Variants in TRHDE observed in about 807,000 individuals in gnomAD.
TRHDE encodes thyrotropin releasing hormone degrading enzyme, also known as thyrotropin-releasing hormone-degrading ectoenzyme.
A neutral mutation model predicts 125.7 loss-of-function variants in TRHDE; 72 were observed. The observed-to-expected ratio is 0.57, with a 90% CI of 0.47 to 0.70. TRHDE has a LOEUF of 0.70. Ranked by LOEUF, TRHDE falls within the 30% of genes least tolerant of loss-of-function variation. TRHDE has a pLI of 0.00. For missense variants in TRHDE, 1,110 were observed against 1,327.1 expected (o/e 0.84, Z 2.54); for synonymous variants, 509 against 509.1 (o/e 1.00, Z 0.00).
At chr12:72,330,287 AC>A (rs1311085799) in intron 2 of TRHDE, among the ~76,000 whole-genome samples, 7 of 148,614 alleles carry the variant, frequency 4.7e-5, no homozygotes, top group African/African-American at 1.5e-4. Context: ...CCACCTCCCT[AC>A]CCCCCACCTC....
intron 2 of TRHDE, among the ~76,000 whole-genome samples, chr12:72,318,412 T>A (rs1338532668): frequency 2.0e-5 from 3 of 152,216 alleles, no homozygotes; most frequent in Non-Finnish European, 2.9e-5. Flanking sequence ...GAGAAGGTGA[T>A]GTGCGATATT....
intron 2 of TRHDE, among the ~76,000 whole-genome samples, chr12:72,175,184 T>C (rs1876960964): frequency 6.6e-6 from 1 of 152,224 alleles, no homozygotes; most frequent in Non-Finnish European, 1.5e-5. Flanking sequence ...GCAACTACCA[T>C]TCAATTCTTT....
chr12:72,269,658 C>A (rs114604822), upstream of TRHDE, among the ~76,000 whole-genome samples: 2,638 of 152,164 alleles, frequency 0.017, 70 homozygotes, highest in African/African-American at 0.06. Context: ...AAACACACAG[C>A]AAGACAGAAG....
At chr12:72,310,542 G>GCTT (rs774396233) in intron 2 of TRHDE, among the ~76,000 whole-genome samples, 258 of 152,274 alleles carry the variant, frequency 1.7e-3, no homozygotes, top group Non-Finnish European at 2.4e-3. Flanking sequence ...AAAGCAATAA[G>GCTT]TGTGAAAATG....
At chr12:72,353,591 C>T (rs1296550351) in intron 2 of TRHDE, among the ~76,000 whole-genome samples, 1 of 151,372 alleles carries the variant, frequency 6.6e-6, no homozygotes, top group African/African-American at 2.4e-5. Context: ...GGGATCCAAA[C>T]AAAACTGCTC....
chr12:72,292,326 C>A (rs1189686153), intron 2 of TRHDE, among the ~76,000 whole-genome samples: 1 of 152,194 alleles, frequency 6.6e-6, no homozygotes, highest in African/African-American at 2.4e-5. Context: ...CTATGAGAAT[C>A]ATCTGTTATC....
intron 15 of TRHDE, among the ~76,000 whole-genome samples, chr12:72,646,785 A>G (rs1874298538): frequency 6.6e-6 from 1 of 152,094 alleles, no homozygotes; most frequent in Admixed American, 6.6e-5. Flanking sequence ...AGAAAGATAT[A>G]ACAAATTATA....
chr12:72,138,364 T>G (rs908475454), intron 2 of TRHDE, among the ~76,000 whole-genome samples: 5 of 151,898 alleles, frequency 3.3e-5, no homozygotes, highest in African/African-American at 1.2e-4. Flanking sequence ...ACAGCAAGAC[T>G]CCGTTTCAAA....
intron 2 of TRHDE, among the ~76,000 whole-genome samples, chr12:72,204,669 C>T (rs1212031300): frequency 6.6e-6 from 1 of 152,172 alleles, no homozygotes; most frequent in Non-Finnish European, 1.5e-5. Flanking sequence ...TTCTCAGTAT[C>T]ATTGTCAAAT....
chr12:72,310,873 A>AT (rs562413958), intron 2 of TRHDE, among the ~76,000 whole-genome samples: 3 of 151,932 alleles, frequency 2.0e-5, no homozygotes, highest in Non-Finnish European at 2.9e-5. Context: ...GAATGTCACA[A>AT]TTTTTTTTAA....
In TRHDE at chr12:72,362,778, A is replaced by G. The variant is rs531321309; in HGVS notation, c.1189-15217A>G. ...AAGAGATCCAGTTTCAGCTTTCTAC[A>G]TATGGCTAGCCAGTTTTCCCAGCAC... On this transcript the variant is annotated intron_variant, in intron 2 of 18. Transcript: ENST00000261180. Among the ~76,000 whole-genome samples the G allele has an allele frequency of 1.4e-4, 22 of 152,242 alleles. 1 individual carries two copies. Among genetic ancestry groups the G allele is most frequent in the African/African-American group, 5.1e-4 (21 of 41,534 alleles).
chr12:72,152,947 A>G (rs527473696), intron 2 of TRHDE, among the ~76,000 whole-genome samples: 1 of 152,182 alleles, frequency 6.6e-6, no homozygotes, highest in South Asian at 2.1e-4. Context: ...TTTTCTATTG[A>G]TTGGAATAGT....
rs1374471884 is a variant in TRHDE, at chr12:72,568,663, T to C, written c.2131+7T>C. 1 of 1,586,676 alleles carries C rather than the reference T, an allele frequency of 6.3e-7. No homozygotes were observed. Among genetic ancestry groups the C allele is most frequent in the South Asian group, 1.1e-5 (1 of 89,996 alleles). ...TGGGTGTCTAACAAATCAGGTAAACTATATATTCTCCCCTGAGGAAGTATC... is the reference window on the plus strand; with the variant it reads ...TGGGTGTCTAACAAATCAGGTAAACCATATATTCTCCCCTGAGGAAGTATC... On this transcript the variant is annotated splice_region_variant and intron_variant, in intron 10 of 18. Coordinates refer to ENST00000261180, the MANE Select transcript of TRHDE (RefSeq NM_013381.3).
intron 2 of TRHDE, among the ~76,000 whole-genome samples, chr12:72,243,652 A>G (rs1878523461): frequency 6.6e-6 from 1 of 152,188 alleles, no homozygotes; most frequent in African/African-American, 2.4e-5. Flanking sequence ...AGCTCACATT[A>G]TATTTCTATG....
intron 2 of TRHDE, among the ~76,000 whole-genome samples, chr12:72,361,344 AG>A (rs1871067969): frequency 6.6e-6 from 1 of 151,896 alleles, no homozygotes; most frequent in South Asian, 2.1e-4. Flanking sequence ...GCTGAATAAA[AG>A]ATTGGATTTT....
intron 2 of TRHDE, among the ~76,000 whole-genome samples, chr12:72,167,224 A>T (rs1876772013): frequency 6.6e-6 from 1 of 152,154 alleles, no homozygotes; most frequent in Non-Finnish European, 1.5e-5. Context: ...TGACTATGGT[A>T]GCACAGGTGG....
chr12:72,229,656 A>C (rs147053763), intron 2 of TRHDE, among the ~76,000 whole-genome samples: 1 of 152,242 alleles, frequency 6.6e-6, no homozygotes, highest in African/African-American at 2.4e-5. Flanking sequence ...GGACTTTACT[A>C]AAATCATTTG....
At chr12:72,513,822 A>C (rs190715571) in intron 6 of TRHDE, among the ~76,000 whole-genome samples, 90 of 152,162 alleles carry the variant, frequency 5.9e-4, no homozygotes, top group Admixed American at 1.7e-3. Context: ...GAAGGTGAGA[A>C]GTTTAATGGG....
At chr12:72,138,411 C>T (rs949526263) in intron 2 of TRHDE, among the ~76,000 whole-genome samples, 1 of 152,024 alleles carries the variant, frequency 6.6e-6, no homozygotes, top group African/African-American at 2.4e-5. Flanking sequence ...CAAAACAAAA[C>T]AAAGCAACAA....
Sources: gnomAD v4.1 joint callset for allele counts (sites outside exome capture counted in the v4.1 genomes callset) on GRCh38, gnomAD v4.1.1 for gene constraint, MANE v1.5 for transcripts, NCBI Gene and HGNC (gene_info 2026-07-23, HGNC 2026-07-21) for gene names.